GALNT13: variants seen among roughly 807,000 people sequenced by gnomAD.
The protein encoded by GALNT13 is UDP-GalNAc:polypeptide N-acetylgalactosaminyltransferase 13.
In GALNT13, 28 loss-of-function variants were observed where a neutral mutation model predicts 64.2. That is an observed-to-expected ratio of 0.44 (90% CI 0.32 to 0.60). The LOEUF is 0.60. Ranked by LOEUF, GALNT13 falls within the 20% of genes least tolerant of loss-of-function variation. The pLI is 0.05. For missense variants in GALNT13, 577 were observed against 669.8 expected, an observed-to-expected ratio of 0.86 and a Z score of 1.53; for synonymous variants, 214 against 224.6, an observed-to-expected ratio of 0.95 and a Z score of 0.42.
At chr2:153,522,272 G>T in the GALNT13 span, among the ~76,000 whole-genome samples, 647 of 151,966 alleles carry the variant, frequency 4.3e-3, 8 homozygotes, top group African/African-American at 0.015. Context: ...GGTGGAGGTC[G>T]CAGTGAGCCC....
chr2:153,255,028 A>G, the GALNT13 span, among the ~76,000 whole-genome samples: 6 of 152,042 alleles, frequency 3.9e-5, no homozygotes, highest in South Asian at 2.1e-4. Flanking sequence ...TATCCTTGTT[A>G]ACTTTCTGTC....
intron 4 of GALNT13, among the ~76,000 whole-genome samples, chr2:154,158,652 C>T (rs1472789786): frequency 6.6e-6 from 1 of 152,146 alleles, no homozygotes; most frequent in Admixed American, 6.5e-5. Flanking sequence ...ATACCAAGAA[C>T]AATTCTACTT....
intron 3 of GALNT13, among the ~76,000 whole-genome samples, chr2:154,102,537 G>A (rs1702401709): frequency 6.6e-6 from 1 of 152,070 alleles, no homozygotes; most frequent in African/African-American, 2.4e-5. Context: ...CGTGGGAGTG[G>A]GGTGAGGGAT....
chr2:154,173,684 A>G (rs1278398003), intron 4 of GALNT13, among the ~76,000 whole-genome samples: 1 of 152,078 alleles, frequency 6.6e-6, no homozygotes, highest in Admixed American at 6.6e-5. Flanking sequence ...ATATATAAGG[A>G]GCTCAAACAA....
chr2:153,094,020 A>G, the GALNT13 span, among the ~76,000 whole-genome samples: 1 of 152,016 alleles, frequency 6.6e-6, no homozygotes, highest in Non-Finnish European at 1.5e-5. Context: ...ATCAATTGTA[A>G]TGTCCCCTTT....
At chr2:154,396,688 G>C (rs943491944) in intron 10 of GALNT13, among the ~76,000 whole-genome samples, 3 of 152,064 alleles carry the variant, frequency 2.0e-5, no homozygotes, top group African/African-American at 7.2e-5. Flanking sequence ...ATCTATTGCT[G>C]CAATACAAGG....
At chr2:153,280,441 C>T in the GALNT13 span, among the ~76,000 whole-genome samples, 1 of 152,010 alleles carries the variant, frequency 6.6e-6, no homozygotes, top group Non-Finnish European at 1.5e-5. Flanking sequence ...TTTCTAGTTA[C>T]TCTAAGGGTA....
chr2:153,335,343 A>G, the GALNT13 span, among the ~76,000 whole-genome samples: 182 of 152,330 alleles, frequency 1.2e-3, 1 homozygote, highest in African/African-American at 4.0e-3. Context: ...AAGACAGGAA[A>G]ACATGGGAAA....
At chr2:153,741,059 A>T in the GALNT13 span, among the ~76,000 whole-genome samples, 1 of 152,168 alleles carries the variant, frequency 6.6e-6, no homozygotes, top group Admixed American at 6.6e-5. Context: ...TTTAATGTTG[A>T]TTAATAAATG....
intron 8 of GALNT13, among the ~76,000 whole-genome samples, chr2:154,268,972 T>A (rs1300309335): frequency 6.6e-6 from 1 of 152,094 alleles, no homozygotes; most frequent in Non-Finnish European, 1.5e-5. Context: ...CCAATTTTCT[T>A]TTGCTTGCAA....
chr2:153,454,790 G>A, the GALNT13 span, among the ~76,000 whole-genome samples: 22 of 152,328 alleles, frequency 1.4e-4, no homozygotes, highest in African/African-American at 4.8e-4. Flanking sequence ...GTATGTGTGT[G>A]TATGTGCAGG....
intron 3 of GALNT13, among the ~76,000 whole-genome samples, chr2:153,994,708 A>G (rs1393109902): frequency 2.0e-5 from 3 of 152,136 alleles, no homozygotes; most frequent in African/African-American, 7.2e-5. Flanking sequence ...GGCTGCATAA[A>G]TGTCTTCTTT....
chr2:154,253,465 T>A (rs1056991232), intron 7 of GALNT13, among the ~76,000 whole-genome samples: 1 of 152,172 alleles, frequency 6.6e-6, no homozygotes, highest in Non-Finnish European at 1.5e-5. Flanking sequence ...ACTTTTACTA[T>A]TTTACATAGT....
the GALNT13 span, among the ~76,000 whole-genome samples, chr2:153,310,699 G>A: frequency 6.6e-6 from 1 of 152,054 alleles, no homozygotes; most frequent in Non-Finnish European, 1.5e-5. Flanking sequence ...TAGGCTATTA[G>A]CAATATAGCC....
At chr2:153,631,932 T>C in the GALNT13 span, among the ~76,000 whole-genome samples, 1 of 152,206 alleles carries the variant, frequency 6.6e-6, no homozygotes, top group Non-Finnish European at 1.5e-5. Context: ...AGGGTTTGGT[T>C]TTTATGGTTT....
the GALNT13 span, among the ~76,000 whole-genome samples, chr2:153,345,629 C>CCTT: frequency 9.0e-6 from 1 of 110,700 alleles, no homozygotes; most frequent in Non-Finnish European, 2.1e-5. Flanking sequence ...TTTTCTTTTC[C>CCTT]TTTCTTTTTC....
At chr2:153,705,012 G>A in the GALNT13 span, among the ~76,000 whole-genome samples, 5 of 152,158 alleles carry the variant, frequency 3.3e-5, no homozygotes, top group African/African-American at 1.2e-4. Flanking sequence ...GGATGGTCAT[G>A]TCAACCACCA....
At chr2:153,510,811 G>A in the GALNT13 span, among the ~76,000 whole-genome samples, 1 of 151,994 alleles carries the variant, frequency 6.6e-6, no homozygotes, top group African/African-American at 2.4e-5. Flanking sequence ...TGTGGTTGGC[G>A]AGGTAGGAAG....
intron 4 of GALNT13, among the ~76,000 whole-genome samples, chr2:154,150,987 G>T (rs187300263): frequency 6.6e-6 from 1 of 152,026 alleles, no homozygotes; most frequent in African/African-American, 2.4e-5. Flanking sequence ...GAATGTGTTT[G>T]CCCTTGCTTT....
Sources: gnomAD v4.1 joint callset for allele counts (sites outside exome capture counted in the v4.1 genomes callset) on GRCh38, gnomAD v4.1.1 for gene constraint, MANE v1.5 for transcripts, NCBI Gene and HGNC (gene_info 2026-07-23, HGNC 2026-07-21) for gene names.